The following NEK7 variants were observed in gnomAD, a reference collection of about 807,000 sequenced individuals.
NEK7 encodes the protein serine/threonine-protein kinase Nek7.
A neutral mutation model predicts 44.6 loss-of-function variants in NEK7; 18 were observed. That is an observed-to-expected ratio of 0.40 (90% CI 0.28 to 0.60). NEK7 has a LOEUF of 0.60. Ranked by LOEUF, NEK7 falls within the 20% of genes least tolerant of loss-of-function variation. The probability of loss-of-function intolerance (pLI) is 0.38; values close to 1 mark genes in which losing one functional copy is unlikely to be tolerated. For missense variants in NEK7, 256 were observed against 366.5 expected (o/e 0.70, Z 2.46); for synonymous variants, 130 against 121.1 (o/e 1.07, Z -0.48).
intron 5 of NEK7, among the ~76,000 whole-genome samples, chr1:198,270,657 T>C (rs1653807489): frequency 6.6e-6 from 1 of 152,118 alleles, no homozygotes; most frequent in African/African-American, 2.4e-5. Context: ...CACCTGTAGG[T>C]CATTCCTTCT....
chr1:198,284,252 A>G (rs1043220165), intron 7 of NEK7, among the ~76,000 whole-genome samples: 4 of 152,182 alleles, frequency 2.6e-5, no homozygotes, highest in Admixed American at 2.0e-4. Context: ...TTACTCTAGC[A>G]TGAAGTCTGT....
At chr1:198,301,828 A>G (rs1365836652) in intron 9 of NEK7, among the ~76,000 whole-genome samples, 1 of 152,254 alleles carries the variant, frequency 6.6e-6, no homozygotes, top group Non-Finnish European at 1.5e-5. Flanking sequence ...TATTATTACA[A>G]TAGTGCTTGC....
intron 9 of NEK7, among the ~76,000 whole-genome samples, chr1:198,317,909 G>T (rs1571628036): frequency 3.6e-5 from 3 of 83,788 alleles, no homozygotes; most frequent in African/African-American, 1.3e-4. Context: ...TTGGTAACCT[G>T]GTAAAATGCC....
At chr1:198,259,147 A>G (rs1653372215) in intron 3 of NEK7, among the ~76,000 whole-genome samples, 1 of 152,196 alleles carries the variant, frequency 6.6e-6, no homozygotes, top group African/African-American at 2.4e-5. Flanking sequence ...GTTAAAAATA[A>G]AAGTCAATTT....
chr1:198,238,156 A>G (rs1020218686), intron 2 of NEK7, among the ~76,000 whole-genome samples: 2 of 151,868 alleles, frequency 1.3e-5, no homozygotes, highest in African/African-American at 4.8e-5. Flanking sequence ...TGAAGTTTTA[A>G]TTTTTCCCCA....
chr1:198,276,986 T>C (rs950204346), intron 5 of NEK7, among the ~76,000 whole-genome samples: 9 of 151,690 alleles, frequency 5.9e-5, no homozygotes, highest in Non-Finnish European at 1.2e-4. Context: ...CAAAATGTCT[T>C]TGGATAAATT....
At chr1:198,312,822 G>C (rs986328314) in intron 9 of NEK7, among the ~76,000 whole-genome samples, 1 of 151,858 alleles carries the variant, frequency 6.6e-6, no homozygotes, top group African/African-American at 2.4e-5. Flanking sequence ...TATAATTTCT[G>C]TTCTTTTACA....
chr1:198,250,175 A>G lies in NEK7; in HGVS notation c.58-2865A>G, dbSNP rs565851677. 2.3e-4 allele frequency among the ~76,000 whole-genome samples: 34 copies of G among 150,014 alleles called. No individual in the cohort carries two copies. In the South Asian group the frequency reaches 6.0e-3, roughly 26 times the overall value. On this transcript the variant is annotated intron_variant, in intron 2 of 9. Coordinates refer to ENST00000367385, the MANE Select transcript of NEK7 (RefSeq NM_133494.3). ...TGCTTGTTTTTCTCAGGTTTGTCAA[A>G]GATCAGATAGTTGTAGATATGTGGC...
At chr1:198,186,097 T>C (rs921185748) in intron 1 of NEK7, among the ~76,000 whole-genome samples, 2 of 152,230 alleles carry the variant, frequency 1.3e-5, no homozygotes, top group African/African-American at 4.8e-5. Context: ...CTAATGGTCA[T>C]GTTACTTAAC....
intron 9 of NEK7, among the ~76,000 whole-genome samples, chr1:198,305,243 A>G (rs1654990750): frequency 6.6e-6 from 1 of 152,180 alleles, no homozygotes; most frequent in Non-Finnish European, 1.5e-5. Context: ...GTGATTGATT[A>G]ATACTATTAG....
At chr1:198,277,008 C>T (rs1045974286) in intron 5 of NEK7, among the ~76,000 whole-genome samples, 4 of 151,548 alleles carry the variant, frequency 2.6e-5, no homozygotes, top group Non-Finnish European at 4.4e-5. Flanking sequence ...CATTAAAGTA[C>T]ATATTTAAAT....
intron 4 of NEK7, 93 bp downstream of exon 4, chr1:198,262,730 A>G (rs1558084568): frequency 1.5e-6 from 1 of 660,372 alleles, no homozygotes; most frequent in Non-Finnish European, 2.6e-6. Context: ...GGTTTTTAAG[A>G]CTTATGCTAC....
chr1:198,183,894 A>G (rs1326866345), intron 1 of NEK7, among the ~76,000 whole-genome samples: 1 of 152,232 alleles, frequency 6.6e-6, no homozygotes, highest in African/African-American at 2.4e-5. Context: ...AGGTGAAGAA[A>G]ATGTAAAAAC....
intron 1 of NEK7, among the ~76,000 whole-genome samples, chr1:198,164,043 C>A (rs866254433): frequency 6.6e-6 from 1 of 151,964 alleles, no homozygotes; most frequent in African/African-American, 2.4e-5. Flanking sequence ...GAGTTTGAGA[C>A]CAGCCTTGGA....
At chr1:198,245,566 A>G (rs1666813855) in intron 2 of NEK7, among the ~76,000 whole-genome samples, 1 of 152,252 alleles carries the variant, frequency 6.6e-6, no homozygotes. Context: ...GTGCAATGCC[A>G]TGGGCATGAG....
At chr1:198,200,254 T>C (rs1665386153) in intron 1 of NEK7, among the ~76,000 whole-genome samples, 2 of 152,238 alleles carry the variant, frequency 1.3e-5, no homozygotes, top group Non-Finnish European at 2.9e-5. Context: ...TATTTTAGTT[T>C]CTGATTATTC....
At chr1:198,279,887 A>G (rs976763682) in intron 7 of NEK7, among the ~76,000 whole-genome samples, 63 of 152,114 alleles carry the variant, frequency 4.1e-4, no homozygotes, top group Middle Eastern at 3.4e-3. Flanking sequence ...GAATTTTTCT[A>G]TATTTCTAAA....
chr1:198,279,297 G>T (rs1654117208), intron 7 of NEK7, among the ~76,000 whole-genome samples: 1 of 151,706 alleles, frequency 6.6e-6, no homozygotes, highest in Non-Finnish European at 1.5e-5. Context: ...AAAAAATGCT[G>T]ATAAGTCTGG....
chr1:198,184,322 TCTTGAAGGGGTAGATTTA>T (rs1664852220), intron 1 of NEK7, among the ~76,000 whole-genome samples: 1 of 152,076 alleles, frequency 6.6e-6, no homozygotes, highest in Non-Finnish European at 1.5e-5. Flanking sequence ...GTGCGATTTT[TCTTGAAGGGGTAGATTTA>T]CAGTTCTAAA....
Sources: gnomAD v4.1 joint callset for allele counts (sites outside exome capture counted in the v4.1 genomes callset) on GRCh38, gnomAD v4.1.1 for gene constraint, MANE v1.5 for transcripts, NCBI Gene and HGNC (gene_info 2026-07-23, HGNC 2026-07-21) for gene names.